PTPRD: variants seen among roughly 807,000 people sequenced by gnomAD.
The protein encoded by PTPRD is receptor-type tyrosine-protein phosphatase delta.
In PTPRD, 34 loss-of-function variants were observed where a neutral mutation model predicts 214.5. The ratio of observed to expected loss-of-function variants is 0.16; its 90% CI spans 0.12 to 0.21. The LOEUF (loss-of-function observed/expected upper bound fraction) is 0.21. PTPRD is among the 10% of genes least tolerant of loss of function. PTPRD has a pLI of 1.00. For missense variants in PTPRD, 2,545 were observed against 2,398.7 expected, an observed-to-expected ratio of 1.06 and a Z score of -1.27; for synonymous variants, 1,128 against 845.7, an observed-to-expected ratio of 1.33 and a Z score of -5.79.
At chr9:8,745,522 T>C (rs546520224) in intron 11 of PTPRD, among the ~76,000 whole-genome samples, 1 of 152,190 alleles carries the variant, frequency 6.6e-6, no homozygotes, top group Non-Finnish European at 1.5e-5. Context: ...CCTAGACCAA[T>C]AAATAATTCA....
At chr9:9,752,956 C>G (rs770740956) in intron 6 of PTPRD, among the ~76,000 whole-genome samples, 1 of 152,016 alleles carries the variant, frequency 6.6e-6, no homozygotes, top group South Asian at 2.1e-4. Context: ...CATGATTTTG[C>G]AAATACAGAG....
intron 7 of PTPRD, among the ~76,000 whole-genome samples, chr9:9,648,720 A>C (rs1449257581): frequency 6.6e-6 from 1 of 152,188 alleles, no homozygotes; most frequent in Non-Finnish European, 1.5e-5. Flanking sequence ...AAATTGCTTG[A>C]ATTTATTAGT....
chr9:9,329,925 G>A (rs899447298), intron 9 of PTPRD, among the ~76,000 whole-genome samples: 7 of 152,142 alleles, frequency 4.6e-5, no homozygotes, highest in African/African-American at 1.7e-4. Flanking sequence ...TACCTTCTCA[G>A]TCACTTCTAG....
At chr9:10,260,137 C>G (rs763346273) in intron 3 of PTPRD, among the ~76,000 whole-genome samples, 3 of 152,158 alleles carry the variant, frequency 2.0e-5, no homozygotes, top group Non-Finnish European at 4.4e-5. Flanking sequence ...CAACATTTAA[C>G]CATGTTCCCT....
At chr9:9,633,613 T>C (rs1265266937) in intron 7 of PTPRD, among the ~76,000 whole-genome samples, 15 of 152,292 alleles carry the variant, frequency 9.8e-5, no homozygotes, top group Non-Finnish European at 8.8e-5. Context: ...CTCCCTCAGC[T>C]CAGTCTGGTT....
intron 11 of PTPRD, among the ~76,000 whole-genome samples, chr9:8,970,657 C>T (rs1330466227): frequency 2.6e-5 from 4 of 151,716 alleles, no homozygotes; most frequent in Admixed American, 1.3e-4. Flanking sequence ...TGCTTCAGAG[C>T]ACATAAAATT....
chr9:9,761,668 C>T (rs1395494707), intron 6 of PTPRD, among the ~76,000 whole-genome samples: 3 of 152,208 alleles, frequency 2.0e-5, no homozygotes, highest in African/African-American at 2.4e-5. Flanking sequence ...GCAATGTGTA[C>T]AGACTCTCTT....
At chr9:9,284,692 T>C (rs1948805296) in intron 9 of PTPRD, among the ~76,000 whole-genome samples, 1 of 151,742 alleles carries the variant, frequency 6.6e-6, no homozygotes, top group Admixed American at 6.6e-5. Flanking sequence ...ATACTGAAAA[T>C]GAAGACAGCC....
intron 7 of PTPRD, among the ~76,000 whole-genome samples, chr9:9,679,065 G>C (rs1022996709): frequency 1.3e-5 from 2 of 150,446 alleles, no homozygotes; most frequent in East Asian, 2.0e-4. Flanking sequence ...TTATTAGGGA[G>C]TCAAAATTTC....
At chr9:10,218,180 T>A (rs2099550413) in intron 3 of PTPRD, among the ~76,000 whole-genome samples, 1 of 151,876 alleles carries the variant, frequency 6.6e-6, no homozygotes, top group Non-Finnish European at 1.5e-5. Context: ...ATGTTCTTTC[T>A]TACGAATAGC....
chr9:8,670,966 G>C (rs1232835662), intron 12 of PTPRD, among the ~76,000 whole-genome samples: 2 of 152,134 alleles, frequency 1.3e-5, no homozygotes, highest in African/African-American at 2.4e-5. Flanking sequence ...AAAATTTCTT[G>C]AAAGTGTGAG....
rs550210465 is a variant in PTPRD at position 9,909,419 on chromosome 9, T to C, written c.-368+29088A>G. Among the ~76,000 whole-genome samples the C allele has an allele frequency of 6.9e-4, 105 of 151,104 alleles. 3 individuals are homozygous for C. The South Asian group carries it at 0.022, about 32-fold the overall frequency. On this transcript the variant is annotated intron_variant, in intron 5 of 45. Transcript: ENST00000381196. Reference sequence around the variant, plus strand: ...GTAATATTGGAAAGACTTTAAAATATTTACATATCTGTATAAATGCAAATT... The same window carrying C: ...GTAATATTGGAAAGACTTTAAAATACTTACATATCTGTATAAATGCAAATT...
Position 9,818,285 on chromosome 9 carries a change from T to G in PTPRD, c.-367-51434A>C, listed in dbSNP as rs538068311. Among the ~76,000 whole-genome samples the G allele has an allele frequency of 3.0e-4, 45 of 152,262 alleles. 1 individual carries two copies. The South Asian group carries it at 9.3e-3, about 32-fold the overall frequency. ...TATCCCCTAGACAATATTACATAGC[T>G]GCCAATGTGTAAAATCAAACTTTTT... On this transcript the variant is annotated intron_variant, in intron 5 of 45. Transcript: ENST00000381196.
chr9:8,489,650 G>A (rs569484943), intron 27 of PTPRD, among the ~76,000 whole-genome samples: 1 of 152,296 alleles, frequency 6.6e-6, no homozygotes, highest in Admixed American at 6.5e-5. Flanking sequence ...AACAGTAAAT[G>A]CAGTTTAAAC....
chr9:8,485,717 T>A lies in PTPRD; in HGVS notation c.3055+45A>T, dbSNP rs752569377. On this transcript the variant is annotated intron_variant, in intron 28 of 45. Coordinates refer to ENST00000381196, the MANE Select transcript of PTPRD (RefSeq NM_002839.4). Reference sequence around the variant, plus strand: ...CTTCAAAATACTGATTTCCAAAGACTGACAATCCTTTAAAGGAGGAAGGCC... The same window carrying A: ...CTTCAAAATACTGATTTCCAAAGACAGACAATCCTTTAAAGGAGGAAGGCC... 14 of 1,491,336 alleles carry A rather than the reference T, an allele frequency of 9.4e-6. 1 individual carries two copies. In the East Asian group the frequency reaches 1.4e-4, roughly 15 times the overall value. The allele number at this position is 1,491,336 out of a possible 1,614,324, so 92.4% of individuals were successfully genotyped here. A position where few individuals can be genotyped will look rare whatever the true frequency, so the allele number is the denominator to read the frequency against.
intron 3 of PTPRD, among the ~76,000 whole-genome samples, chr9:10,321,268 C>T (rs1597058126): frequency 6.6e-6 from 1 of 151,986 alleles, no homozygotes; most frequent in South Asian, 2.1e-4. Context: ...ACAGAAACTG[C>T]AGAGTTAGCA....
At chr9:10,025,093 G>A (rs937422713) in intron 4 of PTPRD, among the ~76,000 whole-genome samples, 2 of 151,840 alleles carry the variant, frequency 1.3e-5, no homozygotes, top group African/African-American at 2.4e-5. Flanking sequence ...ATAAACATAC[G>A]TGTGCATGTG....
At chr9:8,578,533 CA>C in intron 14 of PTPRD, among the ~76,000 whole-genome samples, 1 of 152,130 alleles carries the variant, frequency 6.6e-6, no homozygotes, top group Admixed American at 6.6e-5. Context: ...GCTGTCAATA[CA>C]ACAAAATGCT....
intron 10 of PTPRD, among the ~76,000 whole-genome samples, chr9:9,082,029 G>A (rs1360054870): frequency 6.6e-6 from 1 of 151,816 alleles, no homozygotes; most frequent in Non-Finnish European, 1.5e-5. Context: ...TTCTACCAGA[G>A]GTACAAAGAG....
Sources: gnomAD v4.1 joint callset for allele counts (sites outside exome capture counted in the v4.1 genomes callset) on GRCh38, gnomAD v4.1.1 for gene constraint, MANE v1.5 for transcripts, NCBI Gene and HGNC (gene_info 2026-07-23, HGNC 2026-07-21) for gene names.